Variants in LRRC37A2 observed in about 807,000 individuals in gnomAD.
The protein encoded by LRRC37A2 is leucine rich repeat containing 37 member A2.
A neutral mutation model predicts 68.8 loss-of-function variants in LRRC37A2; 9 were observed. The observed-to-expected ratio is 0.13, with a 90% CI of 0.08 to 0.23. LRRC37A2 has a LOEUF of 0.23. Among genes scored for constraint, LRRC37A2 ranks in the 10% least tolerant of loss-of-function variants. LRRC37A2 has a pLI of 1.00. For missense variants in LRRC37A2, 168 were observed against 950.4 expected, an observed-to-expected ratio of 0.18 and a Z score of 10.82; for synonymous variants, 63 against 367.6, an observed-to-expected ratio of 0.17 and a Z score of 9.48.
the LRRC37A2 span, chr17:46,885,680 T>G: frequency 6.6e-6 from 1 of 152,234 alleles, no homozygotes; most frequent in East Asian, 1.9e-4. Context: ...GATGAATGAA[T>G]GAACAAATGA....
chr17:46,938,556 G>A, the LRRC37A2 span: 1 of 1,612,816 alleles, frequency 6.2e-7, no homozygotes. Context: ...TCTTGGTAAA[G>A]CGACTTGATG....
At chr17:47,034,362 GATA>G in the LRRC37A2 span, among the ~76,000 whole-genome samples, 1 of 152,134 alleles carries the variant, frequency 6.6e-6, no homozygotes, top group African/African-American at 2.4e-5. Flanking sequence ...AGGAAAAGAG[GATA>G]ATATCGAATG....
At chr17:46,589,334 G>A in the LRRC37A2 span, among the ~76,000 whole-genome samples, 1 of 51,204 alleles carries the variant, frequency 2.0e-5, no homozygotes, top group Non-Finnish European at 2.9e-5. Context: ...AATGAAATAG[G>A]CGTGAATTTT....
At chr17:46,751,500 T>G in the LRRC37A2 span, 3 of 1,611,216 alleles carry the variant, frequency 1.9e-6, no homozygotes, top group Non-Finnish European at 2.5e-6. Flanking sequence ...ATTGTTTTTG[T>G]AGCTTTTGGG....
At chr17:46,755,722 A>AT in the LRRC37A2 span, 33,602 of 1,042,540 alleles carry the variant, frequency 0.032, 95 homozygotes, top group African/African-American at 0.05. Context: ...GCTTTTAGTG[A>AT]TTTTTTTTTT....
At chr17:46,872,786 G>A in the LRRC37A2 span, 7 of 1,565,290 alleles carry the variant, frequency 4.5e-6, no homozygotes, top group East Asian at 2.3e-5. Flanking sequence ...GGGGAGGAGG[G>A]CTAGGGGACG....
At chr17:46,982,078 T>A in the LRRC37A2 span, among the ~76,000 whole-genome samples, 211 of 152,266 alleles carry the variant, frequency 1.4e-3, 1 homozygote, top group African/African-American at 4.8e-3. Context: ...CTCAAGCTCC[T>A]CAGTCCTGGG....
chr17:46,929,446 A>G, the LRRC37A2 span: 3 of 813,620 alleles, frequency 3.7e-6, no homozygotes, highest in South Asian at 4.0e-5. Flanking sequence ...TTGGCATCAG[A>G]AAAATTGTCT....
the LRRC37A2 span, chr17:46,937,587 G>A: frequency 6.6e-6 from 1 of 152,172 alleles, no homozygotes; most frequent in Non-Finnish European, 1.5e-5. Context: ...CCCCTTCCCA[G>A]TCAGTTGACC....
chr17:46,776,190 A>G, the LRRC37A2 span, among the ~76,000 whole-genome samples: 1 of 152,134 alleles, frequency 6.6e-6, no homozygotes, highest in African/African-American at 2.4e-5. Context: ...CCTGCTGGGC[A>G]GTGCCTGCCT....
chr17:46,835,803 G>A, the LRRC37A2 span, among the ~76,000 whole-genome samples: 1 of 152,208 alleles, frequency 6.6e-6, no homozygotes. Flanking sequence ...GAGGGCCTGC[G>A]CCCCCTCAGC....
the LRRC37A2 span, among the ~76,000 whole-genome samples, chr17:46,859,109 T>C: frequency 2.0e-5 from 3 of 152,024 alleles, no homozygotes; most frequent in African/African-American, 7.2e-5. Flanking sequence ...CCTGAGTAGC[T>C]GGAAGTACAG....
the LRRC37A2 span, among the ~76,000 whole-genome samples, chr17:46,392,509 T>C: frequency 2.4e-5 from 1 of 42,292 alleles, no homozygotes; most frequent in African/African-American, 7.8e-5. Flanking sequence ...TTTTCTCTCT[T>C]TCTCTCTCTC....
the LRRC37A2 span, among the ~76,000 whole-genome samples, chr17:46,642,318 T>C: frequency 9.1e-6 from 1 of 110,260 alleles, no homozygotes; most frequent in Middle Eastern, 4.0e-3. Flanking sequence ...ATTTAGCATT[T>C]CTTAGGATAA....
the LRRC37A2 span, among the ~76,000 whole-genome samples, chr17:46,775,313 C>T: frequency 6.6e-6 from 1 of 152,154 alleles, no homozygotes; most frequent in South Asian, 2.1e-4. Flanking sequence ...GTGCCATGTG[C>T]CTTCCCCCGG....
the LRRC37A2 span, chr17:46,830,923 TA>T: frequency 2.5e-6 from 1 of 396,698 alleles, no homozygotes; most frequent in Non-Finnish European, 4.4e-6. Flanking sequence ...CCTTTTCTAA[TA>T]AAGAGAGAAA....
downstream of LRRC37A2, among the ~76,000 whole-genome samples, chr17:46,558,279 C>T (rs1377089235): frequency 9.3e-6 from 1 of 107,382 alleles, no homozygotes; most frequent in Non-Finnish European, 1.8e-5. Flanking sequence ...AGGCTGGTCT[C>T]GAACTCCTGA....
the LRRC37A2 span, among the ~76,000 whole-genome samples, chr17:46,905,917 A>G: frequency 3.3e-5 from 5 of 151,354 alleles, no homozygotes; most frequent in Admixed American, 3.3e-4. Flanking sequence ...TGAAGGAAAG[A>G]CCCCGCCCAG....
the LRRC37A2 span, among the ~76,000 whole-genome samples, chr17:46,947,361 C>G: frequency 1.3e-5 from 2 of 152,326 alleles, no homozygotes; most frequent in South Asian, 4.1e-4. Flanking sequence ...GCTCCCTCCC[C>G]ACCCTGCCCC....
Sources: allele counts gnomAD v4.1 joint callset (sites outside exome capture counted in the v4.1 genomes callset), GRCh38; gene constraint gnomAD v4.1.1; transcripts MANE v1.5; gene names NCBI Gene and HGNC (gene_info 2026-07-23, HGNC 2026-07-21).